The following FAM135A variants were observed in gnomAD, a reference collection of about 807,000 sequenced individuals.
The protein encoded by FAM135A is family with sequence similarity 135 member A.
FAM135A carries 79 observed loss-of-function variants against 146.8 expected under a neutral mutation model. The observed-to-expected ratio is 0.54, with a 90% CI of 0.45 to 0.65. The LOEUF (loss-of-function observed/expected upper bound fraction) is 0.65, where lower values mean the gene tolerates loss of function less well. Among genes scored for constraint, FAM135A ranks in the 30% least tolerant of loss-of-function variants. FAM135A has a pLI of 0.00. For missense variants in FAM135A, 1,623 were observed against 1,758.2 expected, an observed-to-expected ratio of 0.92 and a Z score of 1.38; for synonymous variants, 562 against 603.6, an observed-to-expected ratio of 0.93 and a Z score of 1.01.
At chr6:70,459,916 C>G (rs901138625) in intron 5 of FAM135A, among the ~76,000 whole-genome samples, 1 of 151,940 alleles carries the variant, frequency 6.6e-6, no homozygotes, top group East Asian at 1.9e-4. Flanking sequence ...CTGTAATTCC[C>G]GCTACTTGGG....
At chr6:70,541,058 G>A (rs1450509980) in intron 20 of FAM135A, among the ~76,000 whole-genome samples, 3 of 152,118 alleles carry the variant, frequency 2.0e-5, no homozygotes, top group African/African-American at 7.2e-5. Context: ...TTTTAGTTCA[G>A]TGAAAGATTT....
intron 5 of FAM135A, among the ~76,000 whole-genome samples, chr6:70,468,523 A>G (rs769279833): frequency 6.6e-6 from 1 of 152,220 alleles, no homozygotes; most frequent in Non-Finnish European, 1.5e-5. Flanking sequence ...TACAAGGGAA[A>G]CTAACATGAA....
intron 2 of FAM135A, chr6:70,417,620 G>A (rs892908079): frequency 1.9e-5 from 19 of 985,000 alleles, no homozygotes; most frequent in Non-Finnish European, 1.8e-5. Flanking sequence ...CCTTGAAGTT[G>A]CCTATAGGAT....
intron 5 of FAM135A, among the ~76,000 whole-genome samples, chr6:70,460,312 A>G (rs542584533): frequency 4.9e-4 from 75 of 152,248 alleles, no homozygotes; most frequent in Non-Finnish European, 8.1e-4. Flanking sequence ...TCCATTTTCT[A>G]CTTCAGTGAT....
At chr6:70,549,873 A>G (rs553261351) in intron 20 of FAM135A, among the ~76,000 whole-genome samples, 1 of 152,274 alleles carries the variant, frequency 6.6e-6, no homozygotes, top group Admixed American at 6.5e-5. Flanking sequence ...CAAAATTAGA[A>G]TCAATCCTCT....
intron 12 of FAM135A, among the ~76,000 whole-genome samples, chr6:70,506,442 T>A (rs1404181952): frequency 6.6e-6 from 1 of 152,156 alleles, no homozygotes; most frequent in Non-Finnish European, 1.5e-5. Flanking sequence ...CTCAACTCTG[T>A]TATAACATGA....
At chr6:70,414,818 T>C (rs1767191841) in intron 1 of FAM135A, among the ~76,000 whole-genome samples, 1 of 152,204 alleles carries the variant, frequency 6.6e-6, no homozygotes, top group Admixed American at 6.5e-5. Context: ...GCAACTTGAG[T>C]ACAGACTAAA....
Position 70,560,388 on chromosome 6 carries a change from T to C in FAM135A, c.*467T>C, listed in dbSNP as rs1014057307. The C allele has an allele frequency of 6.5e-6, 1 of 153,354 alleles. No homozygotes were observed. Among genetic ancestry groups the C allele is most frequent in the African/African-American group, 2.4e-5 (1 of 41,586 alleles). 9.5% of individuals were successfully genotyped at this position (153,354 alleles called of 1,614,324 possible). On this transcript the variant is annotated 3_prime_UTR_variant, in exon 22 of 22. Coordinates refer to ENST00000418814, the MANE Select transcript of FAM135A (RefSeq NM_001162529.3). ...TAACTGGAAATAAAATTATGGCTGC[T>C]ACAATATATTTTTTGAAATCAACTT... is the stretch of plus-strand genomic sequence containing the variant.
chr6:70,446,571 A>G (rs1344610994), intron 4 of FAM135A, among the ~76,000 whole-genome samples: 1 of 152,232 alleles, frequency 6.6e-6, no homozygotes, highest in African/African-American at 2.4e-5. Flanking sequence ...TGTTTACAAA[A>G]AGATTTTTGA....
At chr6:70,439,110 G>A (rs953365688) in intron 4 of FAM135A, among the ~76,000 whole-genome samples, 2 of 152,148 alleles carry the variant, frequency 1.3e-5, no homozygotes, top group Non-Finnish European at 2.9e-5. Context: ...GGAGTTGAAG[G>A]CTGCGATGAG....
At chr6:70,441,785 A>G (rs999251457) in intron 4 of FAM135A, among the ~76,000 whole-genome samples, 6 of 151,616 alleles carry the variant, frequency 4.0e-5, no homozygotes, top group Non-Finnish European at 7.4e-5. Flanking sequence ...CCTGGGTTCA[A>G]GCGATTCTCC....
chr6:70,500,642 A>G (rs141798798), intron 11 of FAM135A, among the ~76,000 whole-genome samples: 1 of 152,322 alleles, frequency 6.6e-6, no homozygotes, highest in African/African-American at 2.4e-5. Flanking sequence ...TTTGAGGCTG[A>G]TGGCCTTTGG....
At chr6:70,458,786 C>G (rs1379771686) in intron 5 of FAM135A, among the ~76,000 whole-genome samples, 1 of 152,108 alleles carries the variant, frequency 6.6e-6, no homozygotes, top group African/African-American at 2.4e-5. Flanking sequence ...AGATGCATTT[C>G]CTCCCCAGCA....
intron 21 of FAM135A, among the ~76,000 whole-genome samples, chr6:70,559,048 A>G (rs1021025481): frequency 1.3e-5 from 2 of 152,246 alleles, no homozygotes; most frequent in Non-Finnish European, 2.9e-5. Flanking sequence ...AAAATGTCTC[A>G]CCATGTCTAG....
At chr6:70,545,565 G>A (rs538459449) in intron 20 of FAM135A, among the ~76,000 whole-genome samples, 2 of 152,040 alleles carry the variant, frequency 1.3e-5, no homozygotes, top group African/African-American at 4.8e-5. Context: ...GCAGTGAGCC[G>A]GGATCCTGCC....
At chr6:70,437,889 C>T (rs368921484) in intron 4 of FAM135A, among the ~76,000 whole-genome samples, 85 of 152,028 alleles carry the variant, frequency 5.6e-4, no homozygotes, top group East Asian at 5.2e-3. Flanking sequence ...AAACATGGAA[C>T]GGGAGAATGA....
intron 12 of FAM135A, among the ~76,000 whole-genome samples, chr6:70,506,346 C>A (rs1355713658): frequency 2.0e-5 from 3 of 152,122 alleles, no homozygotes; most frequent in African/African-American, 7.2e-5. Context: ...ATTTTCTATG[C>A]TGTAAAACAA....
In FAM135A at chr6:70,525,705, T is replaced by C. The variant is rs369622581; in HGVS notation, c.2621T>C (p.Leu874Pro). The C allele has an allele frequency of 6.2e-7, 1 of 1,612,790 alleles. No homozygotes were observed. ...HLNDSKTVLN[L>P]GTTDLPKCDD... ...AATGATAGCAAAACTGTATTAAATC[T>C]AGGAACGACTGATTTGCCAAAATGT... The change falls in exon 15 of 22, where the codon CTA (leucine) becomes CCA (proline). Residue 874 changes from leucine (L) to proline (P), a missense_variant. Around this residue, in one of 7 missense-constraint regions of FAM135A, gnomAD observed 1,061 missense variants for 1,113.8 expected, o/e 0.95. Transcript: ENST00000418814.
chr6:70,416,230 C>G (rs201282678), intron 2 of FAM135A, among the ~76,000 whole-genome samples: 30,469 of 151,836 alleles, frequency 0.2, 3,282 homozygotes, highest in African/African-American at 0.29. Flanking sequence ...AACTAATGTT[C>G]ACACATTAGT....
Sources: gnomAD v4.1 joint callset for allele counts (sites outside exome capture counted in the v4.1 genomes callset) on GRCh38, gnomAD v4.1.1 for gene constraint, gnomAD v4.1.1 regional missense constraint, MANE v1.5 for transcripts, NCBI Gene and HGNC (gene_info 2026-07-23, HGNC 2026-07-21) for gene names.